EDNRA: variants seen among roughly 807,000 people sequenced by gnomAD.
EDNRA encodes the protein endothelin receptor type A, also known as endothelin-1 receptor.
A neutral mutation model predicts 41.4 loss-of-function variants in EDNRA; 11 were observed. That is an observed-to-expected ratio of 0.27 (90% confidence interval 0.17 to 0.44). The LOEUF is 0.44. Ranked by LOEUF, EDNRA falls within the 20% of genes least tolerant of loss-of-function variation. The pLI, the probability that EDNRA is intolerant of heterozygous loss-of-function variation, is 1.00. For synonymous variants in EDNRA, 172 were observed against 183.0 expected, an observed-to-expected ratio of 0.94 and a Z score of 0.49; for missense variants, 294 against 531.0, an observed-to-expected ratio of 0.55 and a Z score of 4.39.
chr4:147,492,787 C>T (rs1347475945), intron 2 of EDNRA: 2 of 151,674 alleles, frequency 1.3e-5, no homozygotes, highest in African/African-American at 2.4e-5. Context: ...TATAAAATGA[C>T]AGAGTGACAA....
At chr4:147,531,425 A>G (rs1434460061) in intron 3 of EDNRA, among the ~76,000 whole-genome samples, 4 of 152,220 alleles carry the variant, frequency 2.6e-5, no homozygotes, top group South Asian at 2.1e-4. Flanking sequence ...AAACAATGGA[A>G]TATCTGTGGT....
chr4:147,539,712 G>A, intron 5 of EDNRA, 105 bp from the exon 6 acceptor site: 1 of 1,332,204 alleles, frequency 7.5e-7, no homozygotes, highest in Non-Finnish European at 1.0e-6. Context: ...GCTCTTCTTT[G>A]AATTATTCTT....
intron 2 of EDNRA, among the ~76,000 whole-genome samples, chr4:147,518,605 C>T (rs1029728371): frequency 2.6e-5 from 4 of 152,138 alleles, no homozygotes; most frequent in Non-Finnish European, 4.4e-5. Flanking sequence ...TCTTTATCTA[C>T]GGGGTACTGG....
chr4:147,483,830 C>T (rs905750816), intron 1 of EDNRA, among the ~76,000 whole-genome samples: 1 of 151,796 alleles, frequency 6.6e-6, no homozygotes, highest in African/African-American at 2.4e-5. Context: ...AGTGATTCTC[C>T]CATCTCAGCC....
At chr4:147,535,424 G>A (rs549125212) in intron 4 of EDNRA, among the ~76,000 whole-genome samples, 5 of 152,248 alleles carry the variant, frequency 3.3e-5, no homozygotes, top group East Asian at 1.9e-4. Context: ...AACCTTCACC[G>A]TTTCAGGTTA....
chr4:147,504,749 G>A (rs1010278113), intron 2 of EDNRA, among the ~76,000 whole-genome samples: 2 of 151,924 alleles, frequency 1.3e-5, no homozygotes, highest in African/African-American at 2.4e-5. Flanking sequence ...GAGCTCAGGA[G>A]TTAAGGACCA....
intron 2 of EDNRA, among the ~76,000 whole-genome samples, chr4:147,487,799 A>G (rs1176682906): frequency 6.6e-6 from 1 of 152,260 alleles, no homozygotes; most frequent in Non-Finnish European, 1.5e-5. Context: ...TTTCCACAGG[A>G]TAGCATAAAT....
intron 2 of EDNRA, among the ~76,000 whole-genome samples, chr4:147,508,169 C>T (rs541006191): frequency 2.0e-5 from 3 of 152,146 alleles, no homozygotes; most frequent in African/African-American, 7.2e-5. Flanking sequence ...AATGGAGTCT[C>T]GCTCTGTCAC....
chr4:147,518,411 T>C (rs1224743137), intron 2 of EDNRA, among the ~76,000 whole-genome samples: 1 of 152,198 alleles, frequency 6.6e-6, no homozygotes, highest in African/African-American at 2.4e-5. Flanking sequence ...AGACTGTTTA[T>C]AGTGAGATGA....
intron 4 of EDNRA, among the ~76,000 whole-genome samples, chr4:147,534,875 C>A (rs1409536780): frequency 1.3e-5 from 2 of 152,062 alleles, no homozygotes; most frequent in Non-Finnish European, 2.9e-5. Flanking sequence ...TAAAAATAGT[C>A]AAGAACTCCT....
In EDNRA at chr4:147,526,607, A is replaced by AAG. The variant is rs551303585; in HGVS notation, c.549-5897_549-5896dup. On this transcript the variant is annotated intron_variant, in intron 3 of 7. Transcript: ENST00000651419. ...CCAGCTCAATTTAAGAACTCAACTG[A>AAG]AGAAGTGGTAAAGCATTTGCAGCTG... Among the ~76,000 whole-genome samples the AAG allele has an allele frequency of 4.2e-4, 64 of 152,322 alleles. 1 individual carries two copies. In the South Asian group the frequency reaches 0.013, roughly 32 times the overall value.
intron 2 of EDNRA, chr4:147,493,578 A>C (rs1339556880): frequency 2.0e-5 from 3 of 152,218 alleles, no homozygotes; most frequent in Non-Finnish European, 4.4e-5. Flanking sequence ...TGGATCTACC[A>C]CATTCTCTTG....
chr4:147,531,602 C>G (rs1320181102), intron 3 of EDNRA: 1 of 152,282 alleles, frequency 6.6e-6, no homozygotes, highest in Non-Finnish European at 1.5e-5. Flanking sequence ...ATAGGCACAA[C>G]TGTCTGTTAC....
chr4:147,505,326 C>CTTTTTTTTTTTTTTTTTTTTT (rs1729660192), intron 2 of EDNRA, among the ~76,000 whole-genome samples: 17 of 81,994 alleles, frequency 2.1e-4, no homozygotes, highest in African/African-American at 9.2e-4. Context: ...TTTCTTTTTT[C>CTTTTTTTTTTTTTTTTTTTTT]ATTTTTTTTT....
intron 3 of EDNRA, among the ~76,000 whole-genome samples, chr4:147,521,108 A>T (rs1730309724): frequency 6.6e-6 from 1 of 152,140 alleles, no homozygotes; most frequent in African/African-American, 2.4e-5. Flanking sequence ...AATACAAAAA[A>T]TTAGCTGGAC....
rs1441651560 is a variant in EDNRA, at chr4:147,485,988, A to G, written c.307A>G (p.Arg103Gly). 1.2e-6 allele frequency: 2 copies of G among 1,614,276 alleles called. No homozygotes were observed. The highest frequency in any genetic ancestry group is 1.7e-6 in the Non-Finnish European group (2 of 1,180,048). The change falls in exon 2 of 8, where the codon AGG becomes GGG. Residue 103 changes from arginine (R) to glycine (G), a missense_variant. Physicochemically the swap from Arg to Gly is moderately radical, Grantham distance 125. Coordinates refer to ENST00000651419, the MANE Select transcript of EDNRA (RefSeq NM_001957.4). ...VGMVGNATLL[R>G]IIYQNKCMRN... ...AATGGTGGGGAATGCAACTCTGCTC[A>G]GGATCATTTACCAGAACAAATGTAT...
At chr4:147,497,287 A>G (rs1474687590) in intron 2 of EDNRA, among the ~76,000 whole-genome samples, 9 of 149,424 alleles carry the variant, frequency 6.0e-5, no homozygotes, top group Non-Finnish European at 1.2e-4. Flanking sequence ...ATGAGCCACC[A>G]TGCCTGGCCC....
At chr4:147,490,267 A>G (rs1022949500) in intron 2 of EDNRA, 1 of 152,152 alleles carries the variant, frequency 6.6e-6, no homozygotes, top group African/African-American at 2.4e-5. Flanking sequence ...AATGAATGCC[A>G]GTTGCCTTCT....
At chr4:147,506,872 CT>C (rs1259581461) in intron 2 of EDNRA, 1 of 156,348 alleles carries the variant, frequency 6.4e-6, no homozygotes, top group Admixed American at 6.5e-5. Context: ...AGTGGCAATA[CT>C]TTCCTTTCTC....
Sources: allele counts gnomAD v4.1 joint callset (sites outside exome capture counted in the v4.1 genomes callset), GRCh38; gene constraint gnomAD v4.1.1; transcripts MANE v1.5; gene names NCBI Gene and HGNC (gene_info 2026-07-23, HGNC 2026-07-21).